The following TBC1D5 variants were observed in gnomAD, a reference collection of about 807,000 sequenced individuals.
The protein encoded by TBC1D5 is TBC1 domain family member 5.
In TBC1D5, 75 loss-of-function variants were observed where a neutral mutation model predicts 100.3. The observed-to-expected ratio is 0.75, with a 90% CI of 0.62 to 0.91. The LOEUF (loss-of-function observed/expected upper bound fraction) is 0.91. Among genes scored for constraint, TBC1D5 ranks in the 40% least tolerant of loss-of-function variants. The pLI, the probability that TBC1D5 is intolerant of heterozygous loss-of-function variation, is 0.00. For missense variants in TBC1D5, 910 were observed against 942.4 expected (o/e 0.97, Z 0.45); for synonymous variants, 323 against 325.6 (o/e 0.99, Z 0.09).
chr3:17,172,615 ATAAC>A (rs1384203604), intron 19 of TBC1D5, among the ~76,000 whole-genome samples: 1 of 152,244 alleles, frequency 6.6e-6, no homozygotes, highest in Non-Finnish European at 1.5e-5. Context: ...AAACTGTCAC[ATAAC>A]TAACCACTTC....
intron 2 of TBC1D5, among the ~76,000 whole-genome samples, chr3:17,521,152 AGCT>A (rs2096059607): frequency 3.3e-5 from 5 of 152,318 alleles, no homozygotes; most frequent in Admixed American, 3.3e-4. Flanking sequence ...AGAATACAAG[AGCT>A]GCTGAGTAGA....
intron 1 of TBC1D5, among the ~76,000 whole-genome samples, chr3:17,734,030 T>C (rs1433208075): frequency 6.6e-6 from 1 of 152,048 alleles, no homozygotes; most frequent in East Asian, 1.9e-4. Flanking sequence ...AAAGTAAAGA[T>C]GGGCAGATCT....
chr3:17,214,934 G>T (rs2073444389), intron 17 of TBC1D5, among the ~76,000 whole-genome samples: 1 of 152,080 alleles, frequency 6.6e-6, no homozygotes, highest in African/African-American at 2.4e-5. Context: ...AAGTGCTAAG[G>T]CCCTAATGCA....
chr3:17,714,358 A>T (rs2075038827), intron 1 of TBC1D5, among the ~76,000 whole-genome samples: 1 of 152,228 alleles, frequency 6.6e-6, no homozygotes, highest in Non-Finnish European at 1.5e-5. Context: ...AATTAGGAGC[A>T]TAGAGGGGAA....
At chr3:17,381,319 C>A (rs2092935533) in intron 9 of TBC1D5, among the ~76,000 whole-genome samples, 1 of 151,704 alleles carries the variant, frequency 6.6e-6, no homozygotes, top group African/African-American at 2.4e-5. Flanking sequence ...TCTATTTTTT[C>A]TTTCTCTAAA....
At chr3:17,195,055 A>T (rs1200067135) in intron 18 of TBC1D5, among the ~76,000 whole-genome samples, 1 of 152,212 alleles carries the variant, frequency 6.6e-6, no homozygotes, top group Non-Finnish European at 1.5e-5. Flanking sequence ...TTATTTGCAA[A>T]AGTCCTATAA....
At chr3:17,217,934 C>T (rs1253497870) in intron 17 of TBC1D5, among the ~76,000 whole-genome samples, 1 of 152,010 alleles carries the variant, frequency 6.6e-6, no homozygotes, top group Non-Finnish European at 1.5e-5. Context: ...AAACTACTGC[C>T]TAACCTGAGG....
At chr3:17,288,375 C>A (rs957658535) in intron 15 of TBC1D5, among the ~76,000 whole-genome samples, 7 of 152,144 alleles carry the variant, frequency 4.6e-5, no homozygotes, top group Non-Finnish European at 7.4e-5. Context: ...CTGATGAAAC[C>A]TGACCTTCCA....
chr3:17,572,335 A>C (rs546109282), intron 2 of TBC1D5, among the ~76,000 whole-genome samples: 1 of 151,618 alleles, frequency 6.6e-6, no homozygotes, highest in African/African-American at 2.4e-5. Flanking sequence ...CTCCTGTACA[A>C]ACTAATCCCT....
chr3:17,730,552 T>C (rs1424599355), intron 1 of TBC1D5, among the ~76,000 whole-genome samples: 2 of 152,206 alleles, frequency 1.3e-5, no homozygotes, highest in Admixed American at 1.3e-4. Flanking sequence ...CTGCCAGCTA[T>C]GTAAGTGAGC....
At chr3:17,460,087 G>C (rs2095173707) in intron 3 of TBC1D5, among the ~76,000 whole-genome samples, 1 of 152,120 alleles carries the variant, frequency 6.6e-6, no homozygotes, top group Non-Finnish European at 1.5e-5. Flanking sequence ...TGTTTCACTG[G>C]AGTCAGGTAC....
intron 8 of TBC1D5, among the ~76,000 whole-genome samples, chr3:17,401,583 C>T (rs1200398864): frequency 2.0e-5 from 3 of 151,948 alleles, no homozygotes; most frequent in Admixed American, 2.0e-4. Flanking sequence ...TATTTTCCCC[C>T]TTTCTTGTTT....
chr3:17,544,245 T>C (rs2153429946), intron 2 of TBC1D5, among the ~76,000 whole-genome samples: 3 of 152,242 alleles, frequency 2.0e-5, no homozygotes, highest in African/African-American at 7.2e-5. Flanking sequence ...AGAACGACTG[T>C]TGTAGACAAA....
At chr3:17,470,018 T>C (rs1438235429) in intron 3 of TBC1D5, among the ~76,000 whole-genome samples, 3 of 152,078 alleles carry the variant, frequency 2.0e-5, no homozygotes, top group Non-Finnish European at 4.4e-5. Context: ...AAATAAGCTG[T>C]GTCACTCAGT....
At chr3:17,652,080 A>T (rs1353114034) in intron 1 of TBC1D5, among the ~76,000 whole-genome samples, 3 of 152,186 alleles carry the variant, frequency 2.0e-5, no homozygotes, top group Non-Finnish European at 4.4e-5. Flanking sequence ...TAAAAAAGCC[A>T]ACTCATATTC....
At chr3:17,458,596 T>C (rs1409410480) in intron 3 of TBC1D5, among the ~76,000 whole-genome samples, 1 of 152,166 alleles carries the variant, frequency 6.6e-6, no homozygotes, top group East Asian at 1.9e-4. Context: ...AGCTGTGTCT[T>C]ATCCAGGTAA....
chr3:17,514,009 T>C (rs772110957), intron 2 of TBC1D5, among the ~76,000 whole-genome samples: 23 of 151,858 alleles, frequency 1.5e-4, no homozygotes, highest in Admixed American at 2.0e-4. Context: ...AAGTCTTAAT[T>C]ACAAGGGCAG....
At chr3:17,557,665 C>T (rs1402986922) in intron 2 of TBC1D5, among the ~76,000 whole-genome samples, 1 of 152,136 alleles carries the variant, frequency 6.6e-6, no homozygotes, top group Non-Finnish European at 1.5e-5. Context: ...ATCCTCCCAC[C>T]TCACCTTCCC....
At chr3:17,667,486 G>A (rs1366805422) in intron 1 of TBC1D5, among the ~76,000 whole-genome samples, 1 of 151,196 alleles carries the variant, frequency 6.6e-6, no homozygotes, top group East Asian at 1.9e-4. Context: ...TTTTTTTAAT[G>A]AGACGGGAGT....
Sources: allele counts gnomAD v4.1 joint callset (sites outside exome capture counted in the v4.1 genomes callset), GRCh38; gene constraint gnomAD v4.1.1; transcripts MANE v1.5; gene names NCBI Gene and HGNC (gene_info 2026-07-23, HGNC 2026-07-21).